The following FNTB variants were observed in gnomAD, a reference collection of about 807,000 sequenced individuals.
The protein encoded by FNTB is protein farnesyltransferase subunit beta.
In FNTB, 27 loss-of-function variants were observed where a neutral mutation model predicts 59.4. The ratio of observed to expected loss-of-function variants is 0.45; its 90% CI spans 0.34 to 0.63. FNTB has a LOEUF of 0.63. Ranked by LOEUF, FNTB falls within the 20% of genes least tolerant of loss-of-function variation. The pLI is 0.02. For synonymous variants in FNTB, 230 were observed against 220.7 expected, an observed-to-expected ratio of 1.04 and a Z score of -0.37; for missense variants, 449 against 559.6, an observed-to-expected ratio of 0.80 and a Z score of 1.99.
intron 1 of FNTB, among the ~76,000 whole-genome samples, chr14:64,989,326 C>T (rs1888091019): frequency 6.7e-6 from 1 of 148,480 alleles, no homozygotes; most frequent in South Asian, 2.1e-4. Context: ...CACCTGTAGT[C>T]CCAGCTACTT....
chr14:65,054,253 C>T lies in FNTB; in HGVS notation c.1068-322C>T, dbSNP rs186513402. On this transcript the variant is annotated intron_variant, in intron 10 of 11. Coordinates refer to ENST00000246166, the MANE Select transcript of FNTB (RefSeq NM_002028.4). The surrounding 1 kb of genome is among the most constrained non-coding windows in gnomAD (Gnocchi z 4.4). The stretch of plus-strand genomic sequence containing the variant: ...TCAGCCTCCCAAGTAACTGGAATTA[C>T]AGGCATCGGCCACCACACCTAGCTA... Among the ~76,000 whole-genome samples the T allele has an allele frequency of 6.1e-4, 93 of 152,218 alleles. No individual in the cohort carries two copies. Among genetic ancestry groups the T allele is most frequent in the African/African-American group, 2.1e-3 (86 of 41,550 alleles).
chr14:65,032,612 G>T lies in FNTB; in HGVS notation c.608G>T (p.Ser203Ile). Reference sequence around the variant, plus strand: ...GTTTCCCGTTTCTGTCTTTCCAGAAGCGCATACTGTGCTGCCTCCGTAGCC... The same window carrying T: ...GTTTCCCGTTTCTGTCTTTCCAGAATCGCATACTGTGCTGCCTCCGTAGCC... ...MHVGGEVDVR[S>I]AYCAASVASL... Residue 203 changes from serine to isoleucine, a missense_variant and splice_region_variant, in exon 7 of 12, where the codon AGC becomes ATC. Physicochemically the swap from Ser to Ile is moderately radical, Grantham distance 142 (BLOSUM62 -2). Coordinates refer to ENST00000246166, the MANE Select transcript of FNTB (RefSeq NM_002028.4). This position sits in a 1 kb window ranked among gnomAD's most constrained non-coding sequence, Gnocchi z 5.0. 1 of 1,613,630 alleles carries T rather than the reference G, an allele frequency of 6.2e-7. No homozygotes were observed.
intron 11 of FNTB, among the ~76,000 whole-genome samples, chr14:65,055,993 T>C (rs531018494): frequency 6.6e-6 from 1 of 152,310 alleles, no homozygotes; most frequent in South Asian, 2.1e-4. Context: ...CAGTTTTTTT[T>C]CCTCCCTCCT....
In FNTB at chr14:65,030,628, G is replaced by A. The variant is rs1365485997; in HGVS notation, c.606-1982G>A. On this transcript the variant is annotated intron_variant, in intron 6 of 11. Coordinates refer to ENST00000246166, the MANE Select transcript of FNTB (RefSeq NM_002028.4). The surrounding 1 kb of genome is among the most constrained non-coding windows in gnomAD (Gnocchi z 4.5). The stretch of plus-strand genomic sequence containing the variant: ...GTGGTGGCATGCATCTGTAGCCTCA[G>A]CTGCTTAGGAGGCTGAGGCAAGATC... Among the ~76,000 whole-genome samples, 2 of 151,966 alleles carry A rather than the reference G, an allele frequency of 1.3e-5. No individual in the cohort carries two copies. The highest frequency in any genetic ancestry group is 1.9e-4 in the East Asian group (1 of 5,168).
At chr14:65,058,137 AG>A (rs1485305063) in intron 11 of FNTB, among the ~76,000 whole-genome samples, 1 of 151,844 alleles carries the variant, frequency 6.6e-6, no homozygotes, top group Non-Finnish European at 1.5e-5. Context: ...CTGTCTTCCC[AG>A]GAGTACAAAG....
chr14:65,055,745 G>A (rs905410264), intron 11 of FNTB, among the ~76,000 whole-genome samples: 17 of 152,144 alleles, frequency 1.1e-4, no homozygotes, highest in African/African-American at 4.1e-4. Context: ...TCAAACTCCT[G>A]GCCTCAAGTG....
intron 2 of FNTB, chr14:65,006,303 A>C: frequency 6.2e-7 from 1 of 1,613,478 alleles, no homozygotes; most frequent in Non-Finnish European, 8.5e-7. Flanking sequence ...GGAAAGGAGG[A>C]AAAATATCAG....
Position 65,061,315 on chromosome 14 carries a change from G to T in FNTB, c.*3G>T. 6.2e-7 allele frequency: 1 copy of T among 1,613,588 alleles called. No individual in the cohort carries two copies. The highest frequency in any genetic ancestry group is 8.5e-7 in the Non-Finnish European group (1 of 1,180,000). ...CGGCAGAGCCTGCAACCGACTAGAG[G>T]ACCTGGGTCCCGGCAGCTCTTTGCT... On this transcript the variant is annotated 3_prime_UTR_variant, in exon 12 of 12. Coordinates refer to ENST00000246166, the MANE Select transcript of FNTB (RefSeq NM_002028.4).
chr14:65,058,281 T>G (rs1470569275), intron 11 of FNTB, among the ~76,000 whole-genome samples: 4 of 152,060 alleles, frequency 2.6e-5, no homozygotes, highest in South Asian at 4.1e-4. Flanking sequence ...GTTAGAGTTA[T>G]GTCTAATTTA....
rs1026126593 is a variant in FNTB at position 65,023,363 on chromosome 14, A to G, written c.375-4090A>G. Among the ~76,000 whole-genome samples, 8 of 152,142 alleles carry G rather than the reference A, an allele frequency of 5.3e-5. No individual in the cohort carries two copies. Among genetic ancestry groups the G allele is most frequent in the Non-Finnish European group, 1.0e-4 (7 of 68,018 alleles). On this transcript the variant is annotated intron_variant, in intron 4 of 11. Coordinates refer to ENST00000246166, the MANE Select transcript of FNTB (RefSeq NM_002028.4). This position sits in a 1 kb window ranked among gnomAD's most constrained non-coding sequence, Gnocchi z 4.1. The stretch of plus-strand genomic sequence containing the variant: ...GAGCCACCACGCCTGGCCAGAATCA[A>G]TCACTTTAGATCAGTCCTCAGCCAT...
chr14:65,045,429 C>A (rs1161896323), intron 9 of FNTB, among the ~76,000 whole-genome samples: 2 of 147,706 alleles, frequency 1.4e-5, no homozygotes. Context: ...CTCCCCGCCG[C>A]CCCCGAGATG....
At chr14:65,013,183 G>A (rs907023047) in intron 3 of FNTB, among the ~76,000 whole-genome samples, 1 of 152,116 alleles carries the variant, frequency 6.6e-6, no homozygotes, top group Non-Finnish European at 1.5e-5. Context: ...ATGCCTGTAG[G>A]GCCCAGGCAG....
At chr14:65,016,627 G>A (rs187371887) in intron 4 of FNTB, 3 of 152,422 alleles carry the variant, frequency 2.0e-5, no homozygotes, top group East Asian at 3.9e-4. Context: ...CAGTCACATT[G>A]TCAGGTCAGA....
In FNTB at chr14:65,009,792, C is replaced by G. The variant is rs2061655879; in HGVS notation, c.210-2525C>G. Among the ~76,000 whole-genome samples, 1 of 152,180 alleles carries G rather than the reference C, an allele frequency of 6.6e-6. No individual in the cohort carries two copies. Among genetic ancestry groups the G allele is most frequent in the Non-Finnish European group, 1.5e-5 (1 of 68,050 alleles). On this transcript the variant is annotated intron_variant, in intron 2 of 11. Transcript: ENST00000246166. The surrounding 1 kb of genome is among the most constrained non-coding windows in gnomAD (Gnocchi z 4.2). ...TAACTCATGTCTTTCCAGCCTTAAACTCAATGCTCTTCCCTTTGGGAAGAG... is the reference window on the plus strand; with the variant it reads ...TAACTCATGTCTTTCCAGCCTTAAAGTCAATGCTCTTCCCTTTGGGAAGAG...
chr14:65,015,740 G>A, intron 4 of FNTB, 24 bp downstream of exon 4: 1 of 1,607,178 alleles, frequency 6.2e-7, no homozygotes, highest in South Asian at 1.1e-5. Context: ...TGGGAAATCT[G>A]GGGTGTTCTC....
chr14:65,018,753 C>T (rs1356693348), intron 4 of FNTB, among the ~76,000 whole-genome samples: 1 of 144,320 alleles, frequency 6.9e-6, no homozygotes, highest in South Asian at 2.2e-4. Flanking sequence ...GACGTTGCGA[C>T]GAGCCAAGAT....
intron 1 of FNTB, among the ~76,000 whole-genome samples, chr14:65,003,939 A>G (rs1407138179): frequency 6.6e-6 from 1 of 152,204 alleles, no homozygotes; most frequent in African/African-American, 2.4e-5. Context: ...CACACAAGCA[A>G]GAGACATCTG....
At chr14:65,056,692 C>T (rs920788979) in intron 11 of FNTB, among the ~76,000 whole-genome samples, 1 of 152,076 alleles carries the variant, frequency 6.6e-6, no homozygotes, top group Admixed American at 6.6e-5. Context: ...CAGTTGTTTT[C>T]CCTTAAGTAT....
intron 11 of FNTB, among the ~76,000 whole-genome samples, chr14:65,056,921 G>A (rs2062749309): frequency 6.6e-6 from 1 of 152,208 alleles, no homozygotes; most frequent in African/African-American, 2.4e-5. Flanking sequence ...CTTCTGGCAA[G>A]GGTTGTGCTG....
Sources: allele counts gnomAD v4.1 joint callset (sites outside exome capture counted in the v4.1 genomes callset), GRCh38; gene constraint gnomAD v4.1.1; non-coding constraint Gnocchi (gnomAD v3.1); transcripts MANE v1.5; gene names NCBI Gene and HGNC (gene_info 2026-07-23, HGNC 2026-07-21).